Variants in LHX4 observed in about 807,000 individuals in gnomAD.
LHX4 encodes the protein LIM homeobox 4, also known as LIM/homeobox protein Lhx4.
Under a neutral mutation model 39.2 loss-of-function variants are expected in LHX4, and 16 were observed. That is an observed-to-expected ratio of 0.41 (90% CI 0.28 to 0.62). The LOEUF (loss-of-function observed/expected upper bound fraction) is 0.62, where lower values mean the gene tolerates loss of function less well. Among genes scored for constraint, LHX4 ranks in the 20% least tolerant of loss-of-function variants. The pLI is 0.33. For synonymous variants in LHX4, 206 were observed against 198.1 expected (o/e 1.04, Z -0.33); for missense variants, 439 against 511.9 (o/e 0.86, Z 1.37).
At position 180,275,053 on chromosome 1, in the gene LHX4, C is replaced by T. The variant is rs1648946286; in HGVS notation, c.*474C>T. On this transcript the variant is annotated 3_prime_UTR_variant, in exon 6 of 6. Coordinates refer to ENST00000263726, the MANE Select transcript of LHX4 (RefSeq NM_033343.4). Reference sequence around the variant, plus strand: ...AAAATAAAAGTGATTTCTGGACCATCCTTATTGAACCCTATATTTCAAAAT... The same window carrying T: ...AAAATAAAAGTGATTTCTGGACCATTCTTATTGAACCCTATATTTCAAAAT... The T allele has an allele frequency of 6.5e-6, 1 of 154,518 alleles. No homozygotes were observed. Among genetic ancestry groups the T allele is most frequent in the African/African-American group, 2.4e-5 (1 of 41,548 alleles). The allele number at this position is 154,518 out of a possible 1,614,324, so 9.6% of individuals were successfully genotyped here. A position where few individuals can be genotyped will look rare whatever the true frequency, so the allele number is the denominator to read the frequency against.
At chr1:180,244,447 T>C (rs752026489) in intron 1 of LHX4, among the ~76,000 whole-genome samples, 2 of 152,256 alleles carry the variant, frequency 1.3e-5, no homozygotes, top group Non-Finnish European at 2.9e-5. Flanking sequence ...GCTTTTAGTG[T>C]TGTTCCTCAA....
At chr1:180,263,079 C>T (rs1008336623) in intron 2 of LHX4, among the ~76,000 whole-genome samples, 4 of 152,112 alleles carry the variant, frequency 2.6e-5, no homozygotes, top group Admixed American at 1.3e-4. Flanking sequence ...GCCCGGTGAT[C>T]GGTGTTAAGG....
In LHX4 at chr1:180,266,988, G is replaced by C. The variant is rs1233460223; in HGVS notation, c.451+394G>C. 6.6e-6 allele frequency among the ~76,000 whole-genome samples: 1 copy of C among 152,188 alleles called. No homozygotes were observed. Among genetic ancestry groups the C allele is most frequent in the Non-Finnish European group, 1.5e-5 (1 of 68,026 alleles). On this transcript the variant is annotated intron_variant, in intron 3 of 5. Transcript: ENST00000263726. This position sits in a 1 kb window ranked among gnomAD's most constrained non-coding sequence, Gnocchi z 5.7. ...GGCTGCCGCTTAGTTTTGCACATCA[G>C]GGTGCACATGGACCTCTCAGCAGCC...
chr1:180,271,582 C>A (rs1347529689), intron 4 of LHX4, 48 bp downstream of exon 4: 2 of 1,607,044 alleles, frequency 1.2e-6, no homozygotes, highest in South Asian at 1.1e-5. Context: ...AGGCCCGGGA[C>A]AGGGGTGGAA....
At chr1:180,236,323 G>T (rs914497788) in intron 1 of LHX4, among the ~76,000 whole-genome samples, 1 of 152,228 alleles carries the variant, frequency 6.6e-6, no homozygotes, top group African/African-American at 2.4e-5. Context: ...CCGCTGGCCA[G>T]GTGTAGACAG....
At chr1:180,246,679 C>G (rs1023396055) in intron 1 of LHX4, among the ~76,000 whole-genome samples, 1 of 152,152 alleles carries the variant, frequency 6.6e-6, no homozygotes, top group African/African-American at 2.4e-5. Context: ...CCACTGCACT[C>G]CAGGCTGGAT....
chr1:180,274,082 C>A, intron 5 of LHX4, 103 bp from the exon 6 acceptor site: 1 of 1,455,216 alleles, frequency 6.9e-7, no homozygotes, highest in Non-Finnish European at 9.6e-7. Flanking sequence ...CAGCTGCCAT[C>A]CTTGGGCATC....
chr1:180,251,403 C>G (rs1305566432), intron 2 of LHX4, among the ~76,000 whole-genome samples: 1 of 152,224 alleles, frequency 6.6e-6, no homozygotes, highest in Non-Finnish European at 1.5e-5. Flanking sequence ...CCGCGGCAGA[C>G]AGGATCCCCA....
intron 3 of LHX4, 47 bp from the exon 4 acceptor site, chr1:180,271,333 C>G (rs757667675): frequency 6.2e-7 from 1 of 1,610,040 alleles, no homozygotes; most frequent in Non-Finnish European, 8.5e-7. Context: ...GGAGGCGCAG[C>G]TGCTGCAGAT....
intron 2 of LHX4, among the ~76,000 whole-genome samples, chr1:180,257,104 C>T (rs532527343): frequency 6.6e-6 from 1 of 152,296 alleles, no homozygotes; most frequent in East Asian, 1.9e-4. Context: ...GGAAATCTGC[C>T]CCCAGCAGGG....
At chr1:180,257,599 A>C (rs1001923938) in intron 2 of LHX4, among the ~76,000 whole-genome samples, 2 of 152,226 alleles carry the variant, frequency 1.3e-5, no homozygotes, top group Non-Finnish European at 2.9e-5. Flanking sequence ...ATATTGGTAC[A>C]TACAGTAACA....
At chr1:180,264,296 G>A (rs1648222365) in intron 2 of LHX4, among the ~76,000 whole-genome samples, 1 of 151,936 alleles carries the variant, frequency 6.6e-6, no homozygotes, top group Admixed American at 6.6e-5. Context: ...GCTGGGATTG[G>A]ATATTAAATA....
chr1:180,229,988 A>G (rs1180493555), upstream of LHX4, among the ~76,000 whole-genome samples: 18 of 83,048 alleles, frequency 2.2e-4, no homozygotes, highest in African/African-American at 3.1e-4. Flanking sequence ...CCGGCTTGCG[A>G]GGCCCCGCCC....
chr1:180,274,128 C>T, intron 5 of LHX4, 57 bp from the exon 6 acceptor site: 1 of 1,603,142 alleles, frequency 6.2e-7, no homozygotes, highest in African/African-American at 1.3e-5. Context: ...TTGTGAAGAG[C>T]AGGGGACCAT....
chr1:180,249,884 TGA>T (rs1260031226), intron 2 of LHX4, among the ~76,000 whole-genome samples: 5 of 151,062 alleles, frequency 3.3e-5, no homozygotes, highest in Admixed American at 2.0e-4. Flanking sequence ...TGTGCGTGTG[TGA>T]GTGTGTGTAT....
intron 1 of LHX4, among the ~76,000 whole-genome samples, chr1:180,239,975 C>G (rs1188995656): frequency 6.6e-6 from 1 of 152,160 alleles, no homozygotes; most frequent in Non-Finnish European, 1.5e-5. Context: ...CCCATGGACC[C>G]AGCTCCTTTT....
At chr1:180,256,948 A>C (rs1647882921) in intron 2 of LHX4, among the ~76,000 whole-genome samples, 1 of 152,244 alleles carries the variant, frequency 6.6e-6, no homozygotes, top group Admixed American at 6.5e-5. Flanking sequence ...CCCTCCCTAC[A>C]AGGGCAGGTG....
In LHX4 at chr1:180,234,172, TATATA is replaced by T. The variant is rs1558207082; in HGVS notation, c.76+3568_76+3572del. On this transcript the variant is annotated intron_variant, in intron 1 of 5. Transcript: ENST00000263726. The surrounding 1 kb of genome is among the most constrained non-coding windows in gnomAD (Gnocchi z 4.8). ...AGACACACACAACACACACAAATTA[TATATA>T]TATATATATATATATATATATATAT... 3.8e-3 allele frequency among the ~76,000 whole-genome samples: 23 copies of T among 6,088 alleles called. No homozygotes were observed. Among genetic ancestry groups the T allele is most frequent in the African/African-American group, 0.018 (20 of 1,116 alleles). 4.0% of individuals were successfully genotyped at this position (6,088 alleles called of 152,430 possible). A position where few individuals can be genotyped will look rare whatever the true frequency, so the allele number is the denominator to read the frequency against.
chr1:180,277,930 T>A lies in LHX4; in HGVS notation c.*3351T>A, dbSNP rs1649137931. 1 of 151,938 alleles carries A rather than the reference T, an allele frequency of 6.6e-6. No homozygotes were observed. The highest frequency in any genetic ancestry group is 2.4e-5 in the African/African-American group (1 of 41,356). The allele number at this position is 151,938 out of a possible 1,614,324, so 9.4% of individuals were successfully genotyped here. ...CTAGTAAGATAATTGGGCCATTAGATCTTCATCATTAAACTCACTTTGCAA... is the reference window on the plus strand; with the variant it reads ...CTAGTAAGATAATTGGGCCATTAGAACTTCATCATTAAACTCACTTTGCAA... On this transcript the variant is annotated 3_prime_UTR_variant, in exon 6 of 6. Coordinates refer to ENST00000263726, the MANE Select transcript of LHX4 (RefSeq NM_033343.4).
Sources: gnomAD v4.1 joint callset for allele counts (sites outside exome capture counted in the v4.1 genomes callset) on GRCh38, gnomAD v4.1.1 for gene constraint, Gnocchi (gnomAD v3.1) non-coding constraint, MANE v1.5 for transcripts, NCBI Gene and HGNC (gene_info 2026-07-23, HGNC 2026-07-21) for gene names.